Variants in ARSG observed in about 807,000 individuals in gnomAD.
The protein encoded by ARSG is ASG.
In ARSG, 37 loss-of-function variants were observed where a neutral mutation model predicts 50.5. The observed-to-expected ratio is 0.73, with a 90% confidence interval of 0.56 to 0.96. ARSG has a LOEUF of 0.96. ARSG is among the 50% of genes least tolerant of loss of function. ARSG has a pLI of 0.00. For missense variants in ARSG, 629 were observed against 675.3 expected (o/e 0.93, Z 0.76); for synonymous variants, 225 against 254.6 (o/e 0.88, Z 1.11).
At chr17:68,428,200 G>C in the ARSG span, 35,221 of 150,114 alleles carry the variant, frequency 0.23, 4,336 homozygotes, top group Middle Eastern at 0.32. Flanking sequence ...GACTGGTAGA[G>C]CACTTTTCAA....
chr17:68,395,240 G>C, intron 10 of ARSG, 47 bp downstream of exon 10: 1 of 1,606,366 alleles, frequency 6.2e-7, no homozygotes. Flanking sequence ...TTAGGAGGCT[G>C]GTCTGCTGCC....
intron 8 of ARSG, among the ~76,000 whole-genome samples, chr17:68,382,521 G>A (rs570201349): frequency 6.6e-6 from 1 of 152,324 alleles, no homozygotes; most frequent in Admixed American, 6.5e-5. Flanking sequence ...TATTACTGAA[G>A]AATATTGGGG....
intron 1 of ARSG, among the ~76,000 whole-genome samples, chr17:68,294,838 C>G (rs544894660): frequency 6.6e-6 from 1 of 152,134 alleles, no homozygotes; most frequent in Non-Finnish European, 1.5e-5. Context: ...TTGGGTTCCT[C>G]CCCCGCAGCA....
intron 2 of ARSG, among the ~76,000 whole-genome samples, chr17:68,317,754 G>A (rs2077124344): frequency 2.6e-5 from 4 of 152,306 alleles, no homozygotes; most frequent in Admixed American, 6.5e-5. Context: ...TAATTGAAAT[G>A]AAATTTAAAT....
rs71293553 is a variant in ARSG at position 68,381,961 on chromosome 17, CTTT to C, written c.983-3092_983-3090del. On this transcript the variant is annotated intron_variant, in intron 8 of 11. Coordinates refer to ENST00000621439, the MANE Select transcript of ARSG (RefSeq NM_001267727.2). This position sits in a 1 kb window ranked among gnomAD's most constrained non-coding sequence, Gnocchi z 4.1. ...TTGGCTCTATCATTTTCTTTCTTTC[CTTT>C]TTTTTTTTTTGACAGAGTCTCTGTC... Among the ~76,000 whole-genome samples, 1 of 142,588 alleles carries C rather than the reference CTTT, an allele frequency of 7.0e-6. No homozygotes were observed. 93.5% of individuals were successfully genotyped at this position (142,588 alleles called of 152,430 possible).
At chr17:68,293,372 A>G (rs990234529) in intron 1 of ARSG, among the ~76,000 whole-genome samples, 4 of 152,150 alleles carry the variant, frequency 2.6e-5, no homozygotes, top group Admixed American at 6.6e-5. Context: ...TCTGTACTTC[A>G]GTCTCTTGAT....
chr17:68,276,740 C>T (rs544110671), intron 1 of ARSG, among the ~76,000 whole-genome samples: 1 of 152,340 alleles, frequency 6.6e-6, no homozygotes, highest in South Asian at 2.1e-4. Context: ...AGGCGTGAGC[C>T]ACCATGCCCA....
At chr17:68,437,010 A>ATGTG in the ARSG span, among the ~76,000 whole-genome samples, 239 of 77,952 alleles carry the variant, frequency 3.1e-3, 1 homozygote, top group East Asian at 0.017. Flanking sequence ...AAAAAAATAT[A>ATGTG]TATATATGTG....
intron 2 of ARSG, among the ~76,000 whole-genome samples, chr17:68,309,212 C>T (rs1175689683): frequency 6.6e-6 from 1 of 152,238 alleles, no homozygotes; most frequent in African/African-American, 2.4e-5. Flanking sequence ...GAGTGCGGGG[C>T]CCGCCAAGCC....
chr17:68,369,524 A>C (rs1384526084), intron 7 of ARSG, among the ~76,000 whole-genome samples: 1 of 151,482 alleles, frequency 6.6e-6, no homozygotes, highest in Admixed American at 6.6e-5. Context: ...TGGGAGACAG[A>C]GCAAGACTCT....
chr17:68,272,840 C>G (rs1445848823), intron 1 of ARSG: 1 of 1,581,360 alleles, frequency 6.3e-7, no homozygotes, highest in Non-Finnish European at 8.6e-7. Context: ...ATTAAAAGAT[C>G]TGGGATTTTT....
chr17:68,354,497 A>G (rs2078948130), intron 5 of ARSG, among the ~76,000 whole-genome samples: 1 of 152,176 alleles, frequency 6.6e-6, no homozygotes, highest in Admixed American at 6.5e-5. Flanking sequence ...ACAGGAAAGA[A>G]TGTAAATGAC....
intron 2 of ARSG, among the ~76,000 whole-genome samples, chr17:68,337,107 G>C (rs2078056876): frequency 6.6e-6 from 1 of 152,080 alleles, no homozygotes; most frequent in South Asian, 2.1e-4. Context: ...GCCCTGATGG[G>C]TTCTCTGCTG....
At chr17:68,288,779 A>G (rs545724080), upstream of ARSG, among the ~76,000 whole-genome samples, 11 of 152,312 alleles carry the variant, frequency 7.2e-5, no homozygotes, top group East Asian at 2.1e-3. Flanking sequence ...CTCTTAGGCC[A>G]TATTTGTTAA....
At position 68,400,036 on chromosome 17, in the gene ARSG, G is replaced by A. The variant is rs368858310; in HGVS notation, c.1213-1324G>A. Reference sequence around the variant, plus strand: ...CGAGAACCTGGAAGCCGCAGGTGTGGGGAGGAGCCCCACCTTGGCGGCATC... The same window carrying A: ...CGAGAACCTGGAAGCCGCAGGTGTGAGGAGGAGCCCCACCTTGGCGGCATC... On this transcript the variant is annotated intron_variant, in intron 10 of 11. Transcript: ENST00000621439. 3 of 152,364 alleles carry A rather than the reference G, an allele frequency of 2.0e-5. No homozygotes were observed. In the East Asian group the frequency reaches 5.8e-4, roughly 29 times the overall value. 9.4% of individuals were successfully genotyped at this position (152,364 alleles called of 1,614,324 possible). A position where few individuals can be genotyped will look rare whatever the true frequency, so the allele number is the denominator to read the frequency against.
chr17:68,409,346 C>T (rs1362983677), intron 11 of ARSG, among the ~76,000 whole-genome samples: 2 of 150,506 alleles, frequency 1.3e-5, no homozygotes, highest in East Asian at 3.9e-4. Context: ...ATATGGCTAG[C>T]CAGTTTTCTC....
At chr17:68,394,184 G>C (rs1297919722) in intron 9 of ARSG, among the ~76,000 whole-genome samples, 1 of 152,108 alleles carries the variant, frequency 6.6e-6, no homozygotes, top group African/African-American at 2.4e-5. Flanking sequence ...TGTAAAGAAG[G>C]AAAAAGAAAT....
chr17:68,266,286 AT>A, intron 1 of ARSG, among the ~76,000 whole-genome samples: 1 of 151,282 alleles, frequency 6.6e-6, no homozygotes, highest in East Asian at 1.9e-4. Flanking sequence ...CCCTTGAATT[AT>A]TTAGTCTTTT....
the ARSG span, among the ~76,000 whole-genome samples, chr17:68,450,163 C>A: frequency 6.6e-6 from 1 of 151,778 alleles, no homozygotes. Flanking sequence ...GAAAATGCTA[C>A]AAAAAAAACA....
Sources: gnomAD v4.1 joint callset for allele counts (sites outside exome capture counted in the v4.1 genomes callset) on GRCh38, gnomAD v4.1.1 for gene constraint, Gnocchi (gnomAD v3.1) non-coding constraint, MANE v1.5 for transcripts, NCBI Gene and HGNC (gene_info 2026-07-23, HGNC 2026-07-21) for gene names.